APBA1: variants seen among roughly 807,000 people sequenced by gnomAD.
APBA1 encodes amyloid-beta A4 precursor protein-binding family A member 1.
In APBA1, 55 loss-of-function variants were observed where a neutral mutation model predicts 86.6. The observed-to-expected ratio is 0.64, with a 90% CI of 0.51 to 0.80. APBA1 has a LOEUF of 0.80. Among genes scored for constraint, APBA1 ranks in the 30% least tolerant of loss-of-function variants. The pLI is 0.00. For missense variants in APBA1, 1,090 were observed against 1,183.0 expected (o/e 0.92, Z 1.15); for synonymous variants, 511 against 493.9 (o/e 1.03, Z -0.46).
At chr9:69,541,678 T>G (rs1361705838) in intron 1 of APBA1, among the ~76,000 whole-genome samples, 1 of 152,068 alleles carries the variant, frequency 6.6e-6, no homozygotes, top group Non-Finnish European at 1.5e-5. Context: ...AATGGAGCAT[T>G]AGTATGCTGT....
At chr9:69,547,572 A>G (rs1265358501) in intron 1 of APBA1, among the ~76,000 whole-genome samples, 1 of 152,212 alleles carries the variant, frequency 6.6e-6, no homozygotes, top group African/African-American at 2.4e-5. Flanking sequence ...TCTCTTAGTA[A>G]TGAAGAAAGG....
Position 69,427,845 on chromosome 9 carries a change from T to C in APBA1, c.*3482A>G, listed in dbSNP as rs1278425287. 1 of 152,156 alleles carries C rather than the reference T, an allele frequency of 6.6e-6. No individual in the cohort carries two copies. The highest frequency in any genetic ancestry group is 2.4e-5 in the African/African-American group (1 of 41,402). 9.4% of individuals were successfully genotyped at this position (152,156 alleles called of 1,614,324 possible). On this transcript the variant is annotated 3_prime_UTR_variant, in exon 13 of 13. Coordinates refer to ENST00000265381, the MANE Select transcript of APBA1 (RefSeq NM_001163.4). ...CGATATTGTTACAAATACAATACTA[T>C]ACTTCTCCCGACACTTTACAATAAG...
chr9:69,648,116 T>C (rs1029245887), intron 1 of APBA1, among the ~76,000 whole-genome samples: 4 of 152,202 alleles, frequency 2.6e-5, no homozygotes, highest in African/African-American at 9.7e-5. Flanking sequence ...TGTCAGGAAG[T>C]GAAGAGCGTG....
rs60382603 is a variant in APBA1, at chr9:69,515,690, T to TGG, written c.1200+319_1200+320dup. ...ACTCCATACTTTCTGAATCAGAAAC[T>TGG]GGGGGGGGGGGGGGCGGGGGGTGGA... On this transcript the variant is annotated intron_variant, in intron 2 of 12. Transcript: ENST00000265381. Among the ~76,000 whole-genome samples the TGG allele has an allele frequency of 2.7e-4, 30 of 110,772 alleles. No individual in the cohort carries two copies. The East Asian group carries it at 3.1e-3, about 11-fold the overall frequency. 72.7% of individuals were successfully genotyped at this position (110,772 alleles called of 152,430 possible).
chr9:69,439,945 G>A (rs544067046), intron 11 of APBA1, among the ~76,000 whole-genome samples: 5 of 152,224 alleles, frequency 3.3e-5, no homozygotes, highest in East Asian at 1.9e-4. Flanking sequence ...TGATGCTGAC[G>A]TACAGATGGG....
At position 69,611,530 on chromosome 9, in the gene APBA1, A is replaced by G. The variant is rs1822589014; in HGVS notation, c.-70+60623T>C. On this transcript the variant is annotated intron_variant, in intron 1 of 12. Transcript: ENST00000265381. ...AAAGGGGGTGGTGGGAAGTTAAAAG[A>G]TTTTTTAAAAACCAAACTGGTTTAT... Among the ~76,000 whole-genome samples the G allele has an allele frequency of 2.0e-5, 3 of 152,302 alleles. No individual in the cohort carries two copies. In the South Asian group the frequency reaches 6.2e-4, roughly 32 times the overall value.
chr9:69,629,785 C>A (rs1823003266), intron 1 of APBA1, among the ~76,000 whole-genome samples: 1 of 152,174 alleles, frequency 6.6e-6, no homozygotes, highest in African/African-American at 2.4e-5. Context: ...GCTTTCCCTG[C>A]TCGCATTCTG....
intron 1 of APBA1, among the ~76,000 whole-genome samples, chr9:69,550,133 T>G (rs1044595539): frequency 6.6e-6 from 1 of 152,250 alleles, no homozygotes; most frequent in East Asian, 1.9e-4. Flanking sequence ...GTTCATGATA[T>G]ATTCTCATCA....
At chr9:69,625,269 A>G (rs1185663632) in intron 1 of APBA1, among the ~76,000 whole-genome samples, 5 of 152,132 alleles carry the variant, frequency 3.3e-5, no homozygotes, top group South Asian at 2.1e-4. Flanking sequence ...TGTATATTTC[A>G]CTGAGACCTT....
At chr9:69,660,389 A>T (rs953223778) in intron 1 of APBA1, among the ~76,000 whole-genome samples, 1 of 152,172 alleles carries the variant, frequency 6.6e-6, no homozygotes, top group Non-Finnish European at 1.5e-5. Context: ...TGAGGCATGA[A>T]ACACTTCAGC....
chr9:69,540,425 G>C (rs996358040), intron 1 of APBA1, among the ~76,000 whole-genome samples: 1 of 151,934 alleles, frequency 6.6e-6, no homozygotes, highest in Non-Finnish European at 1.5e-5. Flanking sequence ...CTGTACAATA[G>C]AGTACAGTAT....
At chr9:69,618,917 C>T (rs1822761118) in intron 1 of APBA1, among the ~76,000 whole-genome samples, 1 of 152,208 alleles carries the variant, frequency 6.6e-6, no homozygotes, top group African/African-American at 2.4e-5. Flanking sequence ...TCAACTTTTC[C>T]AAACCTCTTA....
chr9:69,455,041 G>A (rs999455779), intron 8 of APBA1, among the ~76,000 whole-genome samples: 2 of 152,098 alleles, frequency 1.3e-5, no homozygotes, highest in African/African-American at 4.8e-5. Flanking sequence ...CCTCCTCTCT[G>A]TGCCCACAGC....
At chr9:69,614,300 G>A (rs1822652803) in intron 1 of APBA1, among the ~76,000 whole-genome samples, 1 of 152,102 alleles carries the variant, frequency 6.6e-6, no homozygotes, top group South Asian at 2.1e-4. Context: ...AGTCAGGCCC[G>A]TGGAGAGTAT....
At chr9:69,659,412 C>T (rs1823707097) in intron 1 of APBA1, among the ~76,000 whole-genome samples, 1 of 152,164 alleles carries the variant, frequency 6.6e-6, no homozygotes, top group African/African-American at 2.4e-5. Context: ...TGCACATTCT[C>T]TCTACTTCAT....
chr9:69,460,237 T>C (rs1459279515), intron 5 of APBA1, among the ~76,000 whole-genome samples: 2 of 152,230 alleles, frequency 1.3e-5, no homozygotes, highest in South Asian at 4.1e-4. Context: ...GATGCCCTGC[T>C]GTTCTTACTG....
Position 69,593,722 on chromosome 9 carries a change from C to T in APBA1, c.-69-76443G>A, listed in dbSNP as rs571304950. On this transcript the variant is annotated intron_variant, in intron 1 of 12. Transcript: ENST00000265381. ...AAATGAGGTCAATTCTTTCACATTCCCATTGATGCCAATGAAAATCAAAGT... is the reference window on the plus strand; with the variant it reads ...AAATGAGGTCAATTCTTTCACATTCTCATTGATGCCAATGAAAATCAAAGT... 4.6e-5 allele frequency among the ~76,000 whole-genome samples: 7 copies of T among 152,242 alleles called. No individual in the cohort carries two copies. In the East Asian group the frequency reaches 7.7e-4, roughly 17 times the overall value.
intron 5 of APBA1, 29 bp downstream of exon 5, chr9:69,467,788 CCCCTGT>C (rs1835302252): frequency 1.2e-6 from 2 of 1,613,192 alleles, no homozygotes; most frequent in South Asian, 2.2e-5. Context: ...CTACACCAGC[CCCCTGT>C]CCCTGTTGGA....
intron 1 of APBA1, among the ~76,000 whole-genome samples, chr9:69,572,572 C>A (rs1222560094): frequency 6.6e-6 from 1 of 152,176 alleles, no homozygotes; most frequent in Non-Finnish European, 1.5e-5. Context: ...CAACTCACGC[C>A]CACCCAGTTC....
Sources: allele counts gnomAD v4.1 joint callset (sites outside exome capture counted in the v4.1 genomes callset), GRCh38; gene constraint gnomAD v4.1.1; transcripts MANE v1.5; gene names NCBI Gene and HGNC (gene_info 2026-07-23, HGNC 2026-07-21).